Variants in BRINP3 observed in about 807,000 individuals in gnomAD.
BRINP3 encodes BMP/retinoic acid inducible neural specific 3, also known as BMP/retinoic acid-inducible neural-specific protein 3.
BRINP3 carries 19 observed loss-of-function variants against 71.0 expected under a neutral mutation model. The observed-to-expected ratio is 0.27, with a 90% CI of 0.19 to 0.39. The LOEUF is 0.39. BRINP3 is among the 10% of genes least tolerant of loss of function. BRINP3 has a pLI of 1.00. For missense variants in BRINP3, 959 were observed against 940.8 expected, an observed-to-expected ratio of 1.02 and a Z score of -0.25; for synonymous variants, 380 against 337.7, an observed-to-expected ratio of 1.13 and a Z score of -1.37.
chr1:190,158,604 T>A (rs547538029), intron 7 of BRINP3, among the ~76,000 whole-genome samples: 1 of 151,932 alleles, frequency 6.6e-6, no homozygotes, highest in South Asian at 2.1e-4. Flanking sequence ...ACCACCTGAA[T>A]CTAAAATAAA....
At chr1:190,413,837 T>C (rs574147315) in intron 2 of BRINP3, among the ~76,000 whole-genome samples, 30 of 152,358 alleles carry the variant, frequency 2.0e-4, no homozygotes, top group Non-Finnish European at 3.5e-4. Context: ...CTATGTTATA[T>C]TGTTAATTTT....
chr1:190,376,520 T>C (rs183893149), intron 2 of BRINP3, among the ~76,000 whole-genome samples: 3 of 152,174 alleles, frequency 2.0e-5, no homozygotes, highest in Non-Finnish European at 4.4e-5. Flanking sequence ...GTAAGCTTTG[T>C]TTTATTCTCA....
intron 2 of BRINP3, among the ~76,000 whole-genome samples, chr1:190,308,357 G>A (rs1322960869): frequency 1.3e-5 from 2 of 151,800 alleles, no homozygotes; most frequent in East Asian, 3.9e-4. Flanking sequence ...GATTGTGTAA[G>A]TATTGTTGTT....
chr1:190,139,981 T>C (rs1655298006), intron 7 of BRINP3, among the ~76,000 whole-genome samples: 1 of 152,152 alleles, frequency 6.6e-6, no homozygotes. Context: ...TATGACAAAA[T>C]TGAGAAATAT....
chr1:190,422,653 G>T (rs894372391), intron 2 of BRINP3, among the ~76,000 whole-genome samples: 2 of 151,742 alleles, frequency 1.3e-5, no homozygotes, highest in African/African-American at 4.8e-5. Context: ...AGCACATACT[G>T]GTTTATCACA....
intron 2 of BRINP3, among the ~76,000 whole-genome samples, chr1:190,282,632 T>C (rs1400535404): frequency 6.6e-6 from 1 of 152,030 alleles, no homozygotes; most frequent in Non-Finnish European, 1.5e-5. Context: ...GTGCAATCTT[T>C]ATTTCTATTT....
chr1:190,164,630 G>A lies in BRINP3; in HGVS notation c.962-3740C>T, dbSNP rs534842259. 2.0e-5 allele frequency among the ~76,000 whole-genome samples: 3 copies of A among 152,056 alleles called. No individual in the cohort carries two copies. In the South Asian group the frequency reaches 6.2e-4, roughly 32 times the overall value. On this transcript the variant is annotated intron_variant, in intron 6 of 7. Coordinates refer to ENST00000367462, the MANE Select transcript of BRINP3 (RefSeq NM_199051.3). ...TTTAGAGACAAGGTTTCACTCTATT[G>A]CCCAGGCTGAAGTAGGGTGGCATGA...
intron 6 of BRINP3, among the ~76,000 whole-genome samples, chr1:190,193,203 A>G (rs922488317): frequency 2.6e-5 from 4 of 152,196 alleles, no homozygotes; most frequent in Non-Finnish European, 5.9e-5. Flanking sequence ...AACTATCAAT[A>G]TGGAGGAAGA....
chr1:190,449,437 A>C (rs1045528268), intron 2 of BRINP3, among the ~76,000 whole-genome samples: 1 of 151,854 alleles, frequency 6.6e-6, no homozygotes, highest in South Asian at 2.1e-4. Flanking sequence ...TAAGATATTT[A>C]TTTCTTTCGT....
chr1:190,217,606 C>G (rs1174156091), intron 6 of BRINP3, among the ~76,000 whole-genome samples: 1 of 151,854 alleles, frequency 6.6e-6, no homozygotes, highest in Non-Finnish European at 1.5e-5. Context: ...AAGTTTACAG[C>G]AAAGTAGGGC....
chr1:190,323,466 C>T (rs978074516), intron 2 of BRINP3, among the ~76,000 whole-genome samples: 3 of 151,646 alleles, frequency 2.0e-5, no homozygotes, highest in Non-Finnish European at 2.9e-5. Context: ...AACCCTTTAA[C>T]GATTGTAATT....
chr1:190,406,638 C>G (rs778764314), intron 2 of BRINP3, among the ~76,000 whole-genome samples: 1 of 152,028 alleles, frequency 6.6e-6, no homozygotes, highest in Non-Finnish European at 1.5e-5. Context: ...ATGCTGAGAA[C>G]GCAGTTTTAT....
At chr1:190,106,656 A>T (rs967826024) in intron 7 of BRINP3, among the ~76,000 whole-genome samples, 1 of 151,354 alleles carries the variant, frequency 6.6e-6, no homozygotes, top group Non-Finnish European at 1.5e-5. Context: ...ATTTTTAAAA[A>T]CATATATTTA....
At chr1:190,373,940 G>C (rs1041025619) in intron 2 of BRINP3, among the ~76,000 whole-genome samples, 1 of 151,004 alleles carries the variant, frequency 6.6e-6, no homozygotes, top group African/African-American at 2.4e-5. Flanking sequence ...AGGCAGTGTA[G>C]TGTAGCGTAG....
intron 6 of BRINP3, among the ~76,000 whole-genome samples, chr1:190,221,004 A>G (rs1256393186): frequency 6.6e-6 from 1 of 152,052 alleles, no homozygotes; most frequent in Non-Finnish European, 1.5e-5. Context: ...AAATCTGTAA[A>G]CAGAGGAGTT....
At chr1:190,206,370 A>T (rs568911180) in intron 6 of BRINP3, among the ~76,000 whole-genome samples, 33 of 152,188 alleles carry the variant, frequency 2.2e-4, no homozygotes, top group Middle Eastern at 3.4e-3. Flanking sequence ...GGAAAAACTT[A>T]ATCTATAATA....
chr1:190,293,573 G>A (rs1664027586), intron 2 of BRINP3, among the ~76,000 whole-genome samples: 1 of 152,102 alleles, frequency 6.6e-6, no homozygotes, highest in Non-Finnish European at 1.5e-5. Context: ...ATGTTTCCTT[G>A]TTGGTTTTCT....
At chr1:190,325,774 C>T (rs188131437) in intron 2 of BRINP3, among the ~76,000 whole-genome samples, 172 of 152,098 alleles carry the variant, frequency 1.1e-3, no homozygotes, top group African/African-American at 3.2e-3. Flanking sequence ...CTGCCCTTAT[C>T]CAAAAATATT....
At chr1:190,321,653 T>A (rs2103052422) in intron 2 of BRINP3, among the ~76,000 whole-genome samples, 1 of 152,272 alleles carries the variant, frequency 6.6e-6, no homozygotes, top group Middle Eastern at 3.4e-3. Flanking sequence ...TATTATTTAC[T>A]CATCATCATT....
Sources: gnomAD v4.1 joint callset for allele counts (sites outside exome capture counted in the v4.1 genomes callset) on GRCh38, gnomAD v4.1.1 for gene constraint, MANE v1.5 for transcripts, NCBI Gene and HGNC (gene_info 2026-07-23, HGNC 2026-07-21) for gene names.